MARCHF8: variants seen among roughly 807,000 people sequenced by gnomAD.
The protein encoded by MARCHF8 is membrane associated ring-CH-type finger 8, also known as E3 ubiquitin-protein ligase MARCHF8.
A neutral mutation model predicts 51.6 loss-of-function variants in MARCHF8; 40 were observed. The ratio of observed to expected loss-of-function variants is 0.77; its 90% CI spans 0.60 to 1.01. The LOEUF (loss-of-function observed/expected upper bound fraction) is 1.01. MARCHF8 is among the 50% of genes least tolerant of loss of function. MARCHF8 has a pLI of 0.00. For synonymous variants in MARCHF8, 263 were observed against 280.3 expected (o/e 0.94, Z 0.62); for missense variants, 685 against 708.6 (o/e 0.97, Z 0.38).
intron 2 of MARCHF8, among the ~76,000 whole-genome samples, chr10:45,512,564 C>T (rs2043543441): frequency 6.7e-6 from 1 of 148,568 alleles, no homozygotes; most frequent in Non-Finnish European, 1.5e-5. Flanking sequence ...GTGAGGAGCC[C>T]CTCTGCCCGG....
chr10:45,594,342 T>C (rs2044712807), exon 1 of MARCHF8: 1 of 152,260 alleles, frequency 6.6e-6, no homozygotes, highest in South Asian at 2.1e-4. Context: ...TTTACAGATG[T>C]GCACACTCAG....
intron 1 of MARCHF8, among the ~76,000 whole-genome samples, chr10:45,584,140 T>C (rs893118302): frequency 8.3e-5 from 10 of 120,318 alleles, no homozygotes; most frequent in African/African-American, 2.3e-4. Context: ...TATATATATA[T>C]ATATATATAT....
rs2133131314 is a variant in MARCHF8, at chr10:45,499,124, A to C, written c.103-9707T>G. The stretch of plus-strand genomic sequence containing the variant: ...GGATCCTCATCAACACATTTTTAAA[A>C]TATATATAACAGCCATCCTTGATGG... On this transcript the variant is annotated intron_variant, in intron 2 of 7. Transcript: ENST00000453424. Among the ~76,000 whole-genome samples, 5 of 152,304 alleles carry C rather than the reference A, an allele frequency of 3.3e-5. 1 individual carries two copies. The South Asian group carries it at 1.0e-3, about 32-fold the overall frequency.
intron 3 of MARCHF8, among the ~76,000 whole-genome samples, chr10:45,473,220 A>G (rs1211663938): frequency 6.6e-6 from 1 of 152,252 alleles, no homozygotes; most frequent in Non-Finnish European, 1.5e-5. Flanking sequence ...TAGGAGGGTT[A>G]GTGCTCAAAT....
At chr10:45,560,661 T>C (rs1309568326) in intron 1 of MARCHF8, among the ~76,000 whole-genome samples, 1 of 152,208 alleles carries the variant, frequency 6.6e-6, no homozygotes, top group Non-Finnish European at 1.5e-5. Context: ...GATACCTGCA[T>C]GTGAGTGCAT....
At chr10:45,517,117 C>T (rs2043632630) in intron 2 of MARCHF8, among the ~76,000 whole-genome samples, 1 of 152,170 alleles carries the variant, frequency 6.6e-6, no homozygotes, top group South Asian at 2.1e-4. Flanking sequence ...AACATGGACA[C>T]CAAATTTCCC....
chr10:45,489,588 T>G (rs1366797273), intron 2 of MARCHF8, among the ~76,000 whole-genome samples, 171 bp from the exon 3 acceptor site: 1 of 152,166 alleles, frequency 6.6e-6, no homozygotes, highest in Non-Finnish European at 1.5e-5. Flanking sequence ...ATTGCACATT[T>G]GGGCAAAATG....
intron 1 of MARCHF8, among the ~76,000 whole-genome samples, chr10:45,561,500 C>T (rs1296326312): frequency 1.3e-5 from 2 of 151,506 alleles, no homozygotes; most frequent in Admixed American, 6.6e-5. Flanking sequence ...GTCTTGAACT[C>T]CTGACCTCAG....
rs572493840 is a variant in MARCHF8 at position 45,464,847 on chromosome 10, A to C, written c.154-520T>G. ...GCCCTGCCACAGCTCTTCACACAAA[A>C]GGGAGTCCAGACCACGTCACCATGG... On this transcript the variant is annotated intron_variant, in intron 3 of 7. Transcript: ENST00000453424. 3.3e-3 allele frequency among the ~76,000 whole-genome samples: 496 copies of C among 152,314 alleles called. 3 individuals are homozygous for C. The highest frequency in any genetic ancestry group is 3.8e-3 in the Non-Finnish European group (256 of 68,026).
chr10:45,475,052 G>T (rs958057765), intron 3 of MARCHF8, among the ~76,000 whole-genome samples: 1 of 152,230 alleles, frequency 6.6e-6, no homozygotes, highest in African/African-American at 2.4e-5. Flanking sequence ...ACTGCATCCT[G>T]CTGGGGGCCC....
intron 3 of MARCHF8, among the ~76,000 whole-genome samples, chr10:45,482,850 G>A (rs756371414): frequency 7.2e-5 from 11 of 152,124 alleles, no homozygotes; most frequent in African/African-American, 1.2e-4. Context: ...TACTTACTGC[G>A]AACTGATTTT....
chr10:45,491,686 G>C (rs901666572), intron 2 of MARCHF8, among the ~76,000 whole-genome samples: 18 of 152,314 alleles, frequency 1.2e-4, no homozygotes, highest in African/African-American at 4.3e-4. Flanking sequence ...GTACTTATAG[G>C]TAAACACAGG....
Position 45,459,277 on chromosome 10 carries a change from C to G in MARCHF8, c.1270-10G>C. 6.2e-7 allele frequency: 1 copy of G among 1,613,638 alleles called. No individual in the cohort carries two copies. Among genetic ancestry groups the G allele is most frequent in the Non-Finnish European group, 8.5e-7 (1 of 1,179,830 alleles). ...TCTGCAACTTCTCCCACTAGAAAGA[C>G]AACACAGAGTGTGAGGCTCAGGCTT... On this transcript the variant is annotated splice_polypyrimidine_tract_variant and intron_variant, in intron 6 of 7. Coordinates refer to ENST00000453424, the MANE Select transcript of MARCHF8 (RefSeq NM_001282866.2).
rs1768247569 is a variant in MARCHF8, at chr10:45,455,112, G to C, written c.*3127C>G. 1 of 152,292 alleles carries C rather than the reference G, an allele frequency of 6.6e-6. No individual in the cohort carries two copies. Among genetic ancestry groups the C allele is most frequent in the African/African-American group, 2.4e-5 (1 of 41,452 alleles). The allele number at this position is 152,292 out of a possible 1,614,324, so 9.4% of individuals were successfully genotyped here. ...CAGCAGGGGTGCAGAGGCAGCCCCA[G>C]ATCGTGCAGACATCACCCGAGGCTC... On this transcript the variant is annotated 3_prime_UTR_variant, in exon 8 of 8. Coordinates refer to ENST00000453424, the MANE Select transcript of MARCHF8 (RefSeq NM_001282866.2).
chr10:45,506,169 G>A (rs80006230), intron 2 of MARCHF8, among the ~76,000 whole-genome samples: 4,924 of 152,172 alleles, frequency 0.032, 109 homozygotes, highest in Non-Finnish European at 0.052. Context: ...AGAAAATAAG[G>A]AGGTTGAAGA....
At chr10:45,521,032 AT>A (rs529505005) in intron 2 of MARCHF8, among the ~76,000 whole-genome samples, 74 of 152,350 alleles carry the variant, frequency 4.9e-4, no homozygotes, top group East Asian at 1.5e-3. Flanking sequence ...GCTAAAAAAA[AT>A]AATCAACTTA....
intron 1 of MARCHF8, among the ~76,000 whole-genome samples, chr10:45,572,273 G>A (rs2044439012): frequency 6.6e-6 from 1 of 150,700 alleles, no homozygotes; most frequent in Non-Finnish European, 1.5e-5. Flanking sequence ...ACTTTCCTGG[G>A]GGGCAAGCAC....
intron 3 of MARCHF8, among the ~76,000 whole-genome samples, chr10:45,485,026 G>C (rs2042955313): frequency 6.6e-6 from 1 of 152,214 alleles, no homozygotes; most frequent in Non-Finnish European, 1.5e-5. Context: ...GCTACTGCAG[G>C]AGTTTAGGAG....
At chr10:45,470,590 T>C (rs1843141259) in intron 3 of MARCHF8, among the ~76,000 whole-genome samples, 1 of 152,170 alleles carries the variant, frequency 6.6e-6, no homozygotes, top group Admixed American at 6.5e-5. Flanking sequence ...AGCAATGCAT[T>C]CCCAGGTTCC....
Sources: gnomAD v4.1 joint callset for allele counts (sites outside exome capture counted in the v4.1 genomes callset) on GRCh38, gnomAD v4.1.1 for gene constraint, MANE v1.5 for transcripts, NCBI Gene and HGNC (gene_info 2026-07-23, HGNC 2026-07-21) for gene names.